The following RBFOX1 variants were observed in gnomAD, a reference collection of about 807,000 sequenced individuals.
The protein encoded by RBFOX1 is RNA binding protein fox-1 homolog 1.
A neutral mutation model predicts 57.7 loss-of-function variants in RBFOX1; 8 were observed. The ratio of observed to expected loss-of-function variants is 0.14; its 90% CI spans 0.08 to 0.25. The LOEUF (loss-of-function observed/expected upper bound fraction) is 0.25, where lower values mean the gene tolerates loss of function less well. RBFOX1 is among the 10% of genes least tolerant of loss of function. RBFOX1 has a pLI of 1.00. For missense variants in RBFOX1, 611 were observed against 548.5 expected, an observed-to-expected ratio of 1.11 and a Z score of -1.14; for synonymous variants, 326 against 222.4, an observed-to-expected ratio of 1.47 and a Z score of -4.15.
In RBFOX1 at chr16:5,239,926, C is replaced by T. The variant is rs2878025; in HGVS notation, c.40C>T (p.Pro14Ser). The T allele has an allele frequency of 2.6e-6, 4 of 1,518,470 alleles. No individual in the cohort carries two copies. In the South Asian group the frequency reaches 4.8e-5, roughly 18 times the overall value. 94.1% of individuals were successfully genotyped at this position (1,518,470 alleles called of 1,614,324 possible). A position where few individuals can be genotyped will look rare whatever the true frequency, so the allele number is the denominator to read the frequency against. Residue 14 changes from proline to serine, a missense_variant, in exon 1 of 3, where the codon CCC becomes TCC. By Grantham distance (74) the Pro-to-Ser change is moderately conservative. Coordinates refer to the RBFOX1 transcript ENST00000585867. ...CGGCAGCTCCGAAGCCACTGGCAAG[C>T]CCCGAGGCAGGGATGGCCGGCCCAG...
At chr16:7,099,895 A>G (rs2062378289) in intron 4 of RBFOX1, among the ~76,000 whole-genome samples, 1 of 152,076 alleles carries the variant, frequency 6.6e-6, no homozygotes, top group Non-Finnish European at 1.5e-5. Flanking sequence ...GGGAGAATAG[A>G]CTGTAAATGT....
At chr16:6,838,423 T>A (rs931644446) in intron 3 of RBFOX1, among the ~76,000 whole-genome samples, 23 of 152,254 alleles carry the variant, frequency 1.5e-4, no homozygotes, top group African/African-American at 4.1e-4. Context: ...TTATCCAGTC[T>A]ATTATTGATG....
chr16:6,779,796 C>T (rs758391114), intron 3 of RBFOX1, among the ~76,000 whole-genome samples: 62 of 2,920 alleles, frequency 0.021, 5 homozygotes, highest in Admixed American at 0.048. Flanking sequence ...TTTATATATA[C>T]TTTTATATAT....
intron 2 of RBFOX1, among the ~76,000 whole-genome samples, chr16:6,511,810 A>T (rs1227401300): frequency 6.6e-6 from 1 of 152,228 alleles, no homozygotes; most frequent in African/African-American, 2.4e-5. Flanking sequence ...TCCTCTTTGT[A>T]GAAGTATCTA....
At chr16:6,831,065 C>A (rs535647134) in intron 3 of RBFOX1, among the ~76,000 whole-genome samples, 4 of 152,190 alleles carry the variant, frequency 2.6e-5, no homozygotes, top group African/African-American at 9.7e-5. Context: ...ATCAAATGTA[C>A]CTCAACCTCC....
At chr16:7,332,976 G>C (rs1195601095) in intron 4 of RBFOX1, 2 of 1,613,180 alleles carry the variant, frequency 1.2e-6, no homozygotes, top group Non-Finnish European at 1.7e-6. Flanking sequence ...TTGAGCTTCA[G>C]AGGGAATAAT....
intron 2 of RBFOX1, among the ~76,000 whole-genome samples, chr16:6,591,505 C>T (rs1176198593): frequency 1.3e-5 from 2 of 152,106 alleles, no homozygotes; most frequent in Non-Finnish European, 2.9e-5. Flanking sequence ...ATACAGAGCC[C>T]TTTCTAAAAA....
At chr16:6,655,794 A>G (rs1193869693) in intron 3 of RBFOX1, among the ~76,000 whole-genome samples, 2 of 152,048 alleles carry the variant, frequency 1.3e-5, no homozygotes, top group Non-Finnish European at 2.9e-5. Context: ...GTGTACCATT[A>G]TTGTCAAATG....
chr16:7,146,339 A>C (rs1284685370), intron 4 of RBFOX1, among the ~76,000 whole-genome samples: 1 of 152,224 alleles, frequency 6.6e-6, no homozygotes, highest in African/African-American at 2.4e-5. Context: ...ATGCACTTGC[A>C]GTGATGGTCT....
At chr16:7,013,394 A>G (rs1366256431) in intron 3 of RBFOX1, among the ~76,000 whole-genome samples, 2 of 152,212 alleles carry the variant, frequency 1.3e-5, no homozygotes, top group Non-Finnish European at 2.9e-5. Flanking sequence ...TTTCTGACCC[A>G]GAGAACATGT....
rs1596697196 is a variant in RBFOX1, at chr16:5,369,584, T to C, written c.220-97632T>C. On this transcript the variant is annotated intron_variant, in intron 1 of 2. Transcript: ENST00000585867. ...GCAGGCATAGGAGACCTCGGCATCATGCCCCACACGCTCCTGAGCAGCGGT... is the reference window on the plus strand; with the variant it reads ...GCAGGCATAGGAGACCTCGGCATCACGCCCCACACGCTCCTGAGCAGCGGT... Among the ~76,000 whole-genome samples the C allele has an allele frequency of 2.6e-5, 4 of 152,348 alleles. No individual in the cohort carries two copies. The South Asian group carries it at 6.2e-4, about 24-fold the overall frequency.
chr16:7,158,156 G>A (rs1294392569), intron 4 of RBFOX1, among the ~76,000 whole-genome samples: 2 of 152,220 alleles, frequency 1.3e-5, no homozygotes, highest in African/African-American at 4.8e-5. Flanking sequence ...AGAACAGCCT[G>A]GCCAACATGG....
intron 1 of RBFOX1, among the ~76,000 whole-genome samples, chr16:6,299,492 A>G (rs921887881): frequency 9.2e-5 from 14 of 152,286 alleles, no homozygotes; most frequent in African/African-American, 2.2e-4. Flanking sequence ...GCGCCAGCAC[A>G]TGGTGAAGCG....
intron 4 of RBFOX1, among the ~76,000 whole-genome samples, chr16:7,120,251 A>G (rs1356310447): frequency 6.6e-6 from 1 of 151,830 alleles, no homozygotes; most frequent in African/African-American, 2.4e-5. Flanking sequence ...TCTCAAATCA[A>G]CAATGTAAGT....
chr16:6,453,800 A>T (rs765744986), intron 2 of RBFOX1, among the ~76,000 whole-genome samples: 30 of 152,200 alleles, frequency 2.0e-4, no homozygotes, highest in Non-Finnish European at 3.4e-4. Context: ...CACTGGGACT[A>T]GTTACATTTC....
chr16:7,430,571 A>G (rs1568865978), intron 4 of RBFOX1, among the ~76,000 whole-genome samples: 1 of 152,090 alleles, frequency 6.6e-6, no homozygotes, highest in Non-Finnish European at 1.5e-5. Flanking sequence ...CTGAGGCAGA[A>G]GAATTGCTTC....
At chr16:7,654,556 TC>T (rs1468438742) in intron 12 of RBFOX1, among the ~76,000 whole-genome samples, 1 of 152,210 alleles carries the variant, frequency 6.6e-6, no homozygotes. Context: ...TTAGTTTGTT[TC>T]CCATTGCCAA....
rs368628384 is a variant in RBFOX1 at position 7,017,247 on chromosome 16, C to A, written c.-15-34810C>A. The stretch of plus-strand genomic sequence containing the variant: ...GGAGCTATCTAAACAAAATGTGCAG[C>A]CTCGGCTGTGCTCTGCCAAGGCCCA... On this transcript the variant is annotated intron_variant, in intron 3 of 15. Coordinates refer to ENST00000550418, the MANE Select transcript of RBFOX1 (RefSeq NM_018723.4). 1.8e-4 allele frequency among the ~76,000 whole-genome samples: 28 copies of A among 152,264 alleles called. No individual in the cohort carries two copies. In the East Asian group the frequency reaches 4.5e-3, roughly 24 times the overall value.
chr16:6,430,967 GAAA>G (rs59044318), intron 2 of RBFOX1, among the ~76,000 whole-genome samples: 10 of 90,482 alleles, frequency 1.1e-4, no homozygotes, highest in African/African-American at 4.2e-4. Flanking sequence ...CTCATCTCCA[GAAA>G]AAAAAAAAAA....
Sources: allele counts gnomAD v4.1 joint callset (sites outside exome capture counted in the v4.1 genomes callset), GRCh38; gene constraint gnomAD v4.1.1; transcripts MANE v1.5; gene names NCBI Gene and HGNC (gene_info 2026-07-23, HGNC 2026-07-21).